Variants in SPTA1 observed in about 807,000 individuals in gnomAD.
The protein encoded by SPTA1 is spectrin alpha, erythrocytic 1.
Under a neutral mutation model 324.7 loss-of-function variants are expected in SPTA1, and 177 were observed. The observed-to-expected ratio is 0.55, with a 90% CI of 0.48 to 0.62. SPTA1 has a LOEUF of 0.62. SPTA1 is among the 20% of genes least tolerant of loss of function. The pLI is 0.00. For missense variants in SPTA1, 3,162 were observed against 2,883.6 expected (o/e 1.10, Z -2.21); for synonymous variants, 1,195 against 1,041.3 (o/e 1.15, Z -2.84).
intron 42 of SPTA1, among the ~76,000 whole-genome samples, chr1:158,623,425 G>A (rs1250838993): frequency 6.6e-6 from 1 of 152,132 alleles, no homozygotes; most frequent in African/African-American, 2.4e-5. Flanking sequence ...GATATGGTTT[G>A]GTTTGACTGT....
chr1:158,660,754 T>C (rs1340432431), intron 18 of SPTA1, among the ~76,000 whole-genome samples: 4 of 152,218 alleles, frequency 2.6e-5, no homozygotes, highest in African/African-American at 9.7e-5. Context: ...GCACTGCTTA[T>C]ACCATACCTG....
Position 158,612,830 on chromosome 1 carries a change from T to G in SPTA1, c.7121A>C (p.Glu2374Ala), listed in dbSNP as rs1183548010. 2 of 1,613,930 alleles carry G rather than the reference T, an allele frequency of 1.2e-6. No individual in the cohort carries two copies. The highest frequency in any genetic ancestry group is 1.7e-6 in the Non-Finnish European group (2 of 1,179,860). Residue 2374 changes from glutamate to alanine, a missense_variant, in exon 51 of 52, where the codon GAA becomes GCA. Coordinates refer to ENST00000643759, the MANE Select transcript of SPTA1 (RefSeq NM_003126.4). The stretch of plus-strand genomic sequence containing the variant: ...CCAGAATCGGACCTGCTTCATGTCT[T>G]CTTTGGTAATATATGACTTGCCCTC... Reference protein sequence around the residue: ...LAEGKSYITKEDMKQALTPEQ... With the variant: ...LAEGKSYITKADMKQALTPEQ...
chr1:158,671,899 A>T (rs1654052349), intron 11 of SPTA1, among the ~76,000 whole-genome samples, 160 bp downstream of exon 11: 1 of 152,234 alleles, frequency 6.6e-6, no homozygotes, highest in Non-Finnish European at 1.5e-5. Flanking sequence ...GGAGCCTTAT[A>T]GAAAGGGCCC....
At chr1:158,669,641 C>T (rs893826545) in intron 13 of SPTA1, 68 bp downstream of exon 13, 72 of 1,613,908 alleles carry the variant, frequency 4.5e-5, no homozygotes, top group Non-Finnish European at 5.9e-5. Context: ...CCCTGGTCAC[C>T]ATGCCCACCA....
At chr1:158,645,735 C>T (rs1390365240) in intron 27 of SPTA1, 141 bp from the exon 28 acceptor site, 9 of 868,472 alleles carry the variant, frequency 1.0e-5, no homozygotes, top group South Asian at 2.9e-5. Flanking sequence ...ACAGATCTTA[C>T]GTTTGCTGTT....
At chr1:158,676,421 T>A in intron 7 of SPTA1, 126 bp from the exon 8 acceptor site, 2 of 985,840 alleles carry the variant, frequency 2.0e-6, no homozygotes, top group Non-Finnish European at 3.0e-6. Flanking sequence ...TATGAATAGA[T>A]TTCTATTAAT....
chr1:158,641,029 G>A (rs1229238289), intron 33 of SPTA1, among the ~76,000 whole-genome samples: 4 of 152,126 alleles, frequency 2.6e-5, no homozygotes, highest in Non-Finnish European at 5.9e-5. Context: ...TCTGATCTTT[G>A]ACAAACCTGA....
At chr1:158,678,376 T>C (rs1218402543) in intron 6 of SPTA1, 25 bp downstream of exon 6, 3 of 1,613,250 alleles carry the variant, frequency 1.9e-6, no homozygotes, top group Non-Finnish European at 2.5e-6. Flanking sequence ...CAAAGTTTTC[T>C]ATAAAGCAGT....
chr1:158,617,136 C>G (rs1649607052), intron 47 of SPTA1, among the ~76,000 whole-genome samples: 1 of 151,854 alleles, frequency 6.6e-6, no homozygotes, highest in South Asian at 2.1e-4. Flanking sequence ...CTTACTACGT[C>G]ATATAATAAC....
chr1:158,651,886 TCTC>T, intron 23 of SPTA1, among the ~76,000 whole-genome samples: 1 of 131,278 alleles, frequency 7.6e-6, no homozygotes, highest in African/African-American at 4.1e-5. Flanking sequence ...GAGTGCTCTC[TCTC>T]TCTCTCTCTC....
Position 158,611,169 on chromosome 1 carries a change from G to C in SPTA1, c.*95C>G, listed in dbSNP as rs995337947. ...CACACACACACACACACACACACGA[G>C]GCCATCTTTATCTTCCACATTTGCC... On this transcript the variant is annotated 3_prime_UTR_variant, in exon 52 of 52. Coordinates refer to ENST00000643759, the MANE Select transcript of SPTA1 (RefSeq NM_003126.4). The C allele has an allele frequency of 9.6e-7, 1 of 1,045,722 alleles. No individual in the cohort carries two copies. Among genetic ancestry groups the C allele is most frequent in the Non-Finnish European group, 1.4e-6 (1 of 718,276 alleles). 64.8% of individuals were successfully genotyped at this position (1,045,722 alleles called of 1,614,324 possible). A position where few individuals can be genotyped will look rare whatever the true frequency, so the allele number is the denominator to read the frequency against.
At position 158,643,720 on chromosome 1, in the gene SPTA1, C is replaced by T. The variant is rs112738793; in HGVS notation, c.4339-295G>A. Among the ~76,000 whole-genome samples the T allele has an allele frequency of 8.6e-3, 1,310 of 152,118 alleles. 18 individuals are homozygous for T. The highest frequency in any genetic ancestry group is 0.03 in the African/African-American group (1,248 of 41,508). ...TGATGAAATGACTATTTAATCAATC[C>T]TAAAAGTCAGAGTTTAGAATGCTGG... On this transcript the variant is annotated intron_variant, in intron 30 of 51. Transcript: ENST00000643759.
At chr1:158,672,335 A>ATCCCAGCACTTTGGGAG in intron 10 of SPTA1, 139 bp from the exon 11 acceptor site, 1 of 832,956 alleles carries the variant, frequency 1.2e-6, no homozygotes, top group Non-Finnish European at 1.9e-6. Context: ...CCAACTTTTA[A>ATCCCAGCACTTTGGGAG]GCAAATGATT....
rs769401937 is a variant in SPTA1 at position 158,678,437 on chromosome 1, G to C, written c.776C>G (p.Ala259Gly). The C allele has an allele frequency of 6.2e-7, 1 of 1,613,744 alleles. No individual in the cohort carries two copies. Among genetic ancestry groups the C allele is most frequent in the Non-Finnish European group, 8.5e-7 (1 of 1,179,754 alleles). Reference protein sequence around the residue: ...LRGLALQRQKALSNAANLQRF... With the variant: ...LRGLALQRQKGLSNAANLQRF... ...TTGTAAGTTTGCAGCATTGGACAGA[G>C]CTTTCTGTCTCTGGAGAGCCAAACC... The change falls in exon 6 of 52, where the codon GCT becomes GGT. Residue 259 changes from alanine to glycine, a missense_variant. By Grantham distance (60) the Ala-to-Gly change is moderately conservative. Coordinates refer to ENST00000643759, the MANE Select transcript of SPTA1 (RefSeq NM_003126.4).
intron 39 of SPTA1, among the ~76,000 whole-genome samples, chr1:158,631,453 G>A (rs893835879): frequency 6.6e-6 from 1 of 152,108 alleles, no homozygotes; most frequent in African/African-American, 2.4e-5. Context: ...GAGGACTTGA[G>A]GGAAAGGGTG....
Position 158,644,365 on chromosome 1 carries a change from C to G in SPTA1, c.4226G>C (p.Ser1409Thr), listed in dbSNP as rs1651839583. Residue 1409 changes from serine to threonine, a missense_variant, in exon 30 of 52, where the codon AGC becomes ACC. Ser to Thr is a moderately conservative substitution (Grantham distance 58, BLOSUM62 1). Transcript: ENST00000643759. ...GGAATTCTCACGTGCCACCATCCAGCTCTCAACTTGATCACAGTTCCCCTG... is the reference window on the plus strand; with the variant it reads ...GGAATTCTCACGTGCCACCATCCAGGTCTCAACTTGATCACAGTTCCCCTG... The part of the protein sequence containing the change: ...MFQGNCDQVE[S>T]WMVARENSLR... The G allele has an allele frequency of 1.1e-5, 17 of 1,613,872 alleles. No homozygotes were observed. Among genetic ancestry groups the G allele is most frequent in the Non-Finnish European group, 1.3e-5 (15 of 1,179,862 alleles).
At position 158,623,180 on chromosome 1, in the gene SPTA1, C is replaced by T. The variant is rs770522083; in HGVS notation, c.5923G>A (p.Ala1975Thr). ...TCTTGCTGGAAACTCTGCAGACTGG[C>T]ATCCAGAGTGTCCTGAGAAAGATCA... ...TLLAKQDTLD[A>T]SLQSFQQERL... Residue 1975 changes from alanine to threonine, a missense_variant, in exon 43 of 52, where the codon GCC (alanine) becomes ACC (threonine). Transcript: ENST00000643759. The T allele has an allele frequency of 5.6e-6, 9 of 1,614,056 alleles. No homozygotes were observed. Among genetic ancestry groups the T allele is most frequent in the Non-Finnish European group, 7.6e-6 (9 of 1,179,972 alleles).
chr1:158,667,770 C>CCACCAGAT, intron 15 of SPTA1, 88 bp downstream of exon 15: 1 of 1,413,846 alleles, frequency 7.1e-7, no homozygotes, highest in Non-Finnish European at 9.8e-7. Context: ...CTCATAGAGG[C>CCACCAGAT]CACCAGATAA....
intron 7 of SPTA1, among the ~76,000 whole-genome samples, chr1:158,676,640 C>T (rs746378): frequency 0.032 from 4,882 of 152,160 alleles, 256 homozygotes; most frequent in African/African-American, 0.11. Flanking sequence ...ATGTCAGGAG[C>T]AAGGTTCCAA....
Sources: allele counts gnomAD v4.1 joint callset (sites outside exome capture counted in the v4.1 genomes callset), GRCh38; gene constraint gnomAD v4.1.1; transcripts MANE v1.5; gene names NCBI Gene and HGNC (gene_info 2026-07-23, HGNC 2026-07-21).